EBF1: variants seen among roughly 807,000 people sequenced by gnomAD.
The protein encoded by EBF1 is EBF transcription factor 1.
In EBF1, 10 loss-of-function variants were observed where a neutral mutation model predicts 68.4. The ratio of observed to expected loss-of-function variants is 0.15; its 90% CI spans 0.09 to 0.25. The LOEUF (loss-of-function observed/expected upper bound fraction) is 0.25. Ranked by LOEUF, EBF1 falls within the 10% of genes least tolerant of loss-of-function variation. The pLI is 1.00. For missense variants in EBF1, 509 were observed against 794.4 expected (o/e 0.64, Z 4.32); for synonymous variants, 298 against 299.8 (o/e 0.99, Z 0.06).
chr5:158,765,885 AG>A (rs1165953446), intron 10 of EBF1, among the ~76,000 whole-genome samples: 3 of 152,220 alleles, frequency 2.0e-5, no homozygotes, highest in Non-Finnish European at 4.4e-5. Context: ...ACTCATACCA[AG>A]GATTGCACAG....
intron 6 of EBF1, among the ~76,000 whole-genome samples, chr5:158,939,737 C>T (rs567905084): frequency 7.8e-6 from 1 of 127,518 alleles, no homozygotes; most frequent in African/African-American, 3.0e-5. Flanking sequence ...GAGGATTAAC[C>T]GTGTCTGCTT....
rs778545135 is a variant in EBF1 at position 158,996,619 on chromosome 5, T to A, written c.554+76777A>T. On this transcript the variant is annotated intron_variant, in intron 6 of 15. Coordinates refer to ENST00000313708, the MANE Select transcript of EBF1 (RefSeq NM_024007.5). ...TATTGGTGGAAAGTGAGGCGAATCT[T>A]AACACAATTTCTTGAAAACACTTAA... 2.4e-4 allele frequency among the ~76,000 whole-genome samples: 37 copies of A among 152,196 alleles called. 1 individual carries two copies. Among genetic ancestry groups the A allele is most frequent in the Non-Finnish European group, 3.7e-4 (25 of 68,032 alleles).
intron 6 of EBF1, among the ~76,000 whole-genome samples, chr5:158,895,805 C>T (rs1026511994): frequency 8.5e-5 from 13 of 152,176 alleles, no homozygotes; most frequent in African/African-American, 3.1e-4. Context: ...GCTTGTTTTC[C>T]AACCAGCTGC....
chr5:158,695,950 T>C lies in EBF1; in HGVS notation c.*3161A>G, dbSNP rs1755700402. 1 of 186,812 alleles carries C rather than the reference T, an allele frequency of 5.4e-6. No homozygotes were observed. The highest frequency in any genetic ancestry group is 2.4e-5 in the African/African-American group (1 of 42,390). The allele number at this position is 186,812 out of a possible 1,614,324, so 11.6% of individuals were successfully genotyped here. ...GACAGGAAGTAACTTTAATTAAATA[T>C]TGTGAAAGTTGAAAAGTTTTTACAG... On this transcript the variant is annotated 3_prime_UTR_variant, in exon 16 of 16. Coordinates refer to ENST00000313708, the MANE Select transcript of EBF1 (RefSeq NM_024007.5).
At position 158,699,059 on chromosome 5, in the gene EBF1, T is replaced by G; in HGVS notation, c.*52A>C. ...CTCTGGGACTTGTATCAGATTACTCTCTGTAGCAGAATCCAACCTCTTCAT... is the reference window on the plus strand; with the variant it reads ...CTCTGGGACTTGTATCAGATTACTCGCTGTAGCAGAATCCAACCTCTTCAT... On this transcript the variant is annotated 3_prime_UTR_variant, in exon 16 of 16. Transcript: ENST00000313708. The G allele has an allele frequency of 6.5e-7, 1 of 1,535,794 alleles. No homozygotes were observed. Among genetic ancestry groups the G allele is most frequent in the South Asian group, 1.3e-5 (1 of 78,656 alleles).
At chr5:158,962,309 A>G (rs1211559049) in intron 6 of EBF1, among the ~76,000 whole-genome samples, 1 of 152,174 alleles carries the variant, frequency 6.6e-6, no homozygotes, top group Admixed American at 6.5e-5. Context: ...CTTCCAATTC[A>G]AAAGCCTTGG....
At chr5:158,755,481 C>T (rs971823827) in intron 10 of EBF1, among the ~76,000 whole-genome samples, 1 of 152,162 alleles carries the variant, frequency 6.6e-6, no homozygotes, top group African/African-American at 2.4e-5. Flanking sequence ...CTTTGTACCA[C>T]ACTTTGCACA....
intron 6 of EBF1, among the ~76,000 whole-genome samples, chr5:159,044,193 C>T (rs1364380232): frequency 6.6e-6 from 1 of 151,988 alleles, no homozygotes; most frequent in Non-Finnish European, 1.5e-5. Context: ...CATAGAATAC[C>T]CACTAATGTT....
At chr5:158,740,456 C>T (rs548402852) in intron 10 of EBF1, among the ~76,000 whole-genome samples, 9 of 152,122 alleles carry the variant, frequency 5.9e-5, no homozygotes, top group East Asian at 1.9e-4. Flanking sequence ...GCTCTGCAGA[C>T]GGTCAGACTG....
chr5:158,746,122 A>G (rs960124381), intron 10 of EBF1, among the ~76,000 whole-genome samples: 33 of 152,186 alleles, frequency 2.2e-4, no homozygotes, highest in African/African-American at 8.0e-4. Flanking sequence ...AGCTTGTCTG[A>G]GAGCTGCAAA....
intron 6 of EBF1, among the ~76,000 whole-genome samples, chr5:158,918,107 G>A (rs140096652): frequency 5.2e-4 from 79 of 152,298 alleles, no homozygotes; most frequent in African/African-American, 1.7e-3. Context: ...TTATTTGCAG[G>A]CTTTCTCTAT....
intron 11 of EBF1, among the ~76,000 whole-genome samples, chr5:158,720,014 C>T (rs147015053): frequency 6.6e-6 from 1 of 152,228 alleles, no homozygotes; most frequent in East Asian, 1.9e-4. Context: ...TGCACATTTC[C>T]CTGATACCCA....
At chr5:158,801,794 A>G (rs1780639818) in intron 8 of EBF1, among the ~76,000 whole-genome samples, 1 of 152,142 alleles carries the variant, frequency 6.6e-6, no homozygotes, top group Non-Finnish European at 1.5e-5. Flanking sequence ...CCGAGCATTT[A>G]TATTTCCTTC....
chr5:158,699,678 G>C (rs1465975253), intron 15 of EBF1, among the ~76,000 whole-genome samples: 1 of 152,206 alleles, frequency 6.6e-6, no homozygotes, highest in Admixed American at 6.5e-5. Context: ...GGAAATGCCA[G>C]CTACAGCAGG....
intron 9 of EBF1, among the ~76,000 whole-genome samples, chr5:158,787,579 TAA>T (rs1438199969): frequency 1.3e-5 from 2 of 152,226 alleles, no homozygotes; most frequent in Non-Finnish European, 2.9e-5. Flanking sequence ...ATTAGATAGT[TAA>T]GAGATAGCTA....
rs147254984 is a variant in EBF1 at position 158,855,252 on chromosome 5, G to T, written c.555-15142C>A. On this transcript the variant is annotated intron_variant, in intron 6 of 15. Transcript: ENST00000313708. The stretch of plus-strand genomic sequence containing the variant: ...AATCAATAACAATTTTTTAAAAACA[G>T]GCTATACCTTTTAAACTGTGCATCA... 1.2e-3 allele frequency among the ~76,000 whole-genome samples: 190 copies of T among 152,302 alleles called. 1 individual carries two copies. Among genetic ancestry groups the T allele is most frequent in the East Asian group, 1.9e-3 (10 of 5,186 alleles).
chr5:158,826,928 A>C (rs1458584024), intron 7 of EBF1, among the ~76,000 whole-genome samples: 2 of 152,176 alleles, frequency 1.3e-5, no homozygotes. Context: ...ATTTGAAAGA[A>C]CTAGACACAA....
chr5:158,782,610 G>A (rs1210707064), intron 9 of EBF1, among the ~76,000 whole-genome samples: 9 of 152,096 alleles, frequency 5.9e-5, no homozygotes, highest in East Asian at 1.9e-4. Flanking sequence ...GCAGTAAGTC[G>A]TGATTGTGCC....
intron 10 of EBF1, among the ~76,000 whole-genome samples, chr5:158,767,587 G>C (rs1340304266): frequency 1.3e-5 from 2 of 151,214 alleles, no homozygotes; most frequent in African/African-American, 4.9e-5. Flanking sequence ...TAATAATAGG[G>C]CTTGTCTTAC....
Sources: allele counts gnomAD v4.1 joint callset (sites outside exome capture counted in the v4.1 genomes callset), GRCh38; gene constraint gnomAD v4.1.1; transcripts MANE v1.5; gene names NCBI Gene and HGNC (gene_info 2026-07-23, HGNC 2026-07-21).